The following RAB11FIP5 variants were observed in gnomAD, a reference collection of about 807,000 sequenced individuals.
RAB11FIP5 encodes RAB11 family interacting protein 5.
RAB11FIP5 carries 48 observed loss-of-function variants against 85.1 expected under a neutral mutation model. The ratio of observed to expected loss-of-function variants is 0.56; its 90% CI spans 0.45 to 0.72. The LOEUF is 0.72. Ranked by LOEUF, RAB11FIP5 falls within the 30% of genes least tolerant of loss-of-function variation. The pLI is 0.00. For synonymous variants in RAB11FIP5, 729 were observed against 727.3 expected (o/e 1.00, Z -0.04); for missense variants, 1,491 against 1,687.0 (o/e 0.88, Z 2.04).
In RAB11FIP5 at chr2:73,080,850, C is replaced by G; in HGVS notation, c.2382G>C (p.Val794=). Residue 794 remains valine, a synonymous_variant, in exon 4 of 6, where the codon GTG becomes GTC. Transcript: ENST00000486777. The part of the protein sequence containing the change: ...SGTSLFSSPE[V]ISVWERLPGP... ...CCGGCAGCCTCTCCCACACACTGATCACTTCTGGGGAGCTAAATAGAGATG... is the reference window on the plus strand; with the variant it reads ...CCGGCAGCCTCTCCCACACACTGATGACTTCTGGGGAGCTAAATAGAGATG... 8.1e-7 allele frequency: 1 copy of G among 1,232,464 alleles called. No individual in the cohort carries two copies. The highest frequency in any genetic ancestry group is 1.0e-6 in the Non-Finnish European group (1 of 988,218). The allele number at this position is 1,232,464 out of a possible 1,614,324, so 76.3% of individuals were successfully genotyped here.
intron 3 of RAB11FIP5, among the ~76,000 whole-genome samples, chr2:73,085,057 C>T (rs1343550301): frequency 6.6e-6 from 1 of 152,206 alleles, no homozygotes; most frequent in African/African-American, 2.4e-5. Flanking sequence ...AATACAGTAA[C>T]CATGACAAGA....
chr2:73,101,577 G>A (rs1053686218), intron 1 of RAB11FIP5, among the ~76,000 whole-genome samples: 9 of 152,130 alleles, frequency 5.9e-5, no homozygotes, highest in African/African-American at 2.2e-4. Context: ...CTCCCACCTG[G>A]GACTGATGGT....
In RAB11FIP5 at chr2:73,075,081, C is replaced by G. The variant is rs961144107; in HGVS notation, c.*440G>C. On this transcript the variant is annotated 3_prime_UTR_variant, in exon 6 of 6. Coordinates refer to ENST00000486777, the MANE Select transcript of RAB11FIP5 (RefSeq NM_001371272.1). The surrounding 1 kb of genome is among the most constrained non-coding windows in gnomAD (Gnocchi z 4.6). ...ATTGTCCCAGTAATACTAGAAGCCC[C>G]TCCAGGGACTGGAGGGAAATGAAGG... The G allele has an allele frequency of 5.4e-6, 2 of 373,052 alleles. No homozygotes were observed. The highest frequency in any genetic ancestry group is 1.1e-5 in the Non-Finnish European group (2 of 189,828). 23.1% of individuals were successfully genotyped at this position (373,052 alleles called of 1,614,324 possible).
chr2:73,077,304 C>T (rs1213514492), intron 4 of RAB11FIP5, among the ~76,000 whole-genome samples: 1 of 152,214 alleles, frequency 6.6e-6, no homozygotes, highest in South Asian at 2.1e-4. Flanking sequence ...CCTAGGAGGT[C>T]CTCTGGCTCA....
In RAB11FIP5 at chr2:73,081,548, T is replaced by TTAGCATGG; in HGVS notation, c.1676_1683dup (p.Ser562ProfsTer3). 8.2e-7 allele frequency: 1 copy of TTAGCATGG among 1,213,160 alleles called. No homozygotes were observed. Among genetic ancestry groups the TTAGCATGG allele is most frequent in the Non-Finnish European group, 1.0e-6 (1 of 970,678 alleles). 75.1% of individuals were successfully genotyped at this position (1,213,160 alleles called of 1,614,324 possible). A position where few individuals can be genotyped will look rare whatever the true frequency, so the allele number is the denominator to read the frequency against. ...GAGGCGGCTGCAAAAAGGTTAGTGC[T>TTAGCATGG]TAGCATGGGAGCAGCAGTGGGAGCA... On this transcript the variant is annotated frameshift_variant, in exon 4 of 6. Transcript: ENST00000486777. LOFTEE classifies it high-confidence loss of function. This position sits in a 1 kb window ranked among gnomAD's most constrained non-coding sequence, Gnocchi z 4.2.
chr2:73,112,627 C>T lies in RAB11FIP5; in HGVS notation c.151G>A (p.Gly51Ser). 6.2e-7 allele frequency: 1 copy of T among 1,602,272 alleles called. No individual in the cohort carries two copies. The highest frequency in any genetic ancestry group is 8.5e-7 in the Non-Finnish European group (1 of 1,175,810). The change falls in exon 1 of 6, where the codon GGC becomes AGC. Residue 51 changes from glycine (G) to serine (S), a missense_variant. Physicochemically the swap from Gly to Ser is moderately conservative, Grantham distance 56. Coordinates refer to ENST00000486777, the MANE Select transcript of RAB11FIP5 (RefSeq NM_001371272.1). The part of the protein sequence containing the change: ...TSDAYTVIQV[G>S]REKYSTSVVE... ...ACCGACGTACTGTACTTCTCGCGGC[C>T]CACCTGGATCACCGTGTACGCGTCG...
chr2:73,103,570 G>A (rs1399663338), intron 1 of RAB11FIP5, among the ~76,000 whole-genome samples: 3 of 152,170 alleles, frequency 2.0e-5, no homozygotes, highest in East Asian at 3.9e-4. Context: ...AGAGTTGTGT[G>A]ACCTTGGACA....
chr2:73,092,130 T>C (rs904502655), intron 1 of RAB11FIP5, among the ~76,000 whole-genome samples: 2 of 152,174 alleles, frequency 1.3e-5, no homozygotes, highest in Non-Finnish European at 2.9e-5. Flanking sequence ...CCTTTACCTA[T>C]TTAGAGGCCA....
rs1245582507 is a variant in RAB11FIP5 at position 73,079,739 on chromosome 2, C to T, written c.3493G>A (p.Glu1165Lys). Residue 1165 changes from glutamate (E) to lysine (K), a missense_variant, in exon 4 of 6, where the codon GAG becomes AAG. By Grantham distance (56) the Glu-to-Lys change is moderately conservative (BLOSUM62 1). This residue lies in a region of RAB11FIP5 where 232 missense variants were observed against 259.1 expected (regional missense o/e 0.90). Coordinates refer to ENST00000486777, the MANE Select transcript of RAB11FIP5 (RefSeq NM_001371272.1). ...GCTGGGGTGGCTGCAGCGAGGTCCT[C>T]CCTAAGTAGGGCAGGGGAGCCCCCA... The part of the protein sequence containing the change: ...PPGGSPALLR[E>K]DLAAATPASP... 1.1e-5 allele frequency: 13 copies of T among 1,232,830 alleles called. No individual in the cohort carries two copies. Among genetic ancestry groups the T allele is most frequent in the Non-Finnish European group, 1.2e-5 (12 of 988,648 alleles). 76.4% of individuals were successfully genotyped at this position (1,232,830 alleles called of 1,614,324 possible).
intron 1 of RAB11FIP5, among the ~76,000 whole-genome samples, chr2:73,090,105 TGAGGTAA>T (rs1247955869): frequency 1.3e-5 from 2 of 152,066 alleles, no homozygotes; most frequent in Non-Finnish European, 2.9e-5. Context: ...AAAAAGCATA[TGAGGTAA>T]GAGGTACTAC....
At chr2:73,084,578 C>A (rs1684058901) in intron 3 of RAB11FIP5, among the ~76,000 whole-genome samples, 3 of 152,202 alleles carry the variant, frequency 2.0e-5, no homozygotes, top group Admixed American at 1.3e-4. Context: ...TTACTGCCTG[C>A]AGGAAGCTCT....
At chr2:73,092,228 C>G (rs1027840883) in intron 1 of RAB11FIP5, among the ~76,000 whole-genome samples, 2 of 152,182 alleles carry the variant, frequency 1.3e-5, no homozygotes, top group Non-Finnish European at 2.9e-5. Context: ...AGGGTATGGA[C>G]TCCAGCCCCA....
In RAB11FIP5 at chr2:73,079,708, G is replaced by A. The variant is rs556838520; in HGVS notation, c.3524C>T (p.Pro1175Leu). 92 of 1,233,368 alleles carry A rather than the reference G, an allele frequency of 7.5e-5. No individual in the cohort carries two copies. In the South Asian group the frequency reaches 8.6e-4, roughly 12 times the overall value. The allele number at this position is 1,233,368 out of a possible 1,614,324, so 76.4% of individuals were successfully genotyped here. A position where few individuals can be genotyped will look rare whatever the true frequency, so the allele number is the denominator to read the frequency against. ...TGTCTCCAAGGGCAGAAGCACAAGC[G>A]GGGAGGCTGGGGTGGCTGCAGCGAG... ...EDLAAATPAS[P>L]LVLLPLETRP... Residue 1175 changes from proline (P) to leucine (L), a missense_variant, in exon 4 of 6, where the codon CCG (proline) becomes CTG (leucine). This residue lies in a region of RAB11FIP5 where 232 missense variants were observed against 259.1 expected (regional missense o/e 0.90). Transcript: ENST00000486777.
At chr2:73,093,776 C>T (rs980101338) in intron 1 of RAB11FIP5, among the ~76,000 whole-genome samples, 9 of 152,330 alleles carry the variant, frequency 5.9e-5, no homozygotes, top group African/African-American at 9.6e-5. Context: ...GAATCCCTGA[C>T]GCCGATCGCT....
At chr2:73,110,224 G>A (rs1219359360) in intron 1 of RAB11FIP5, among the ~76,000 whole-genome samples, 1 of 152,242 alleles carries the variant, frequency 6.6e-6, no homozygotes, top group Non-Finnish European at 1.5e-5. Flanking sequence ...AAGCTGAGGA[G>A]GGTACACCCT....
intron 3 of RAB11FIP5, 57 bp downstream of exon 3, chr2:73,087,993 C>T (rs1684121787): frequency 2.7e-6 from 4 of 1,482,536 alleles, no homozygotes; most frequent in Non-Finnish European, 3.7e-6. Flanking sequence ...AGGGTCCAGG[C>T]AGCACACACC....
intron 1 of RAB11FIP5, among the ~76,000 whole-genome samples, chr2:73,101,990 G>A (rs1382473233): frequency 6.6e-6 from 1 of 152,204 alleles, no homozygotes; most frequent in Non-Finnish European, 1.5e-5. Flanking sequence ...ACGGAAGATG[G>A]TGACTGACAC....
At chr2:73,083,040 G>C (rs1331872215) in intron 3 of RAB11FIP5, among the ~76,000 whole-genome samples, 2 of 152,204 alleles carry the variant, frequency 1.3e-5, no homozygotes, top group Non-Finnish European at 2.9e-5. Flanking sequence ...TGTCCAGGTG[G>C]AAATATCCTG....
intron 1 of RAB11FIP5, among the ~76,000 whole-genome samples, chr2:73,106,477 C>T (rs896242522): frequency 6.6e-6 from 1 of 152,178 alleles, no homozygotes; most frequent in Non-Finnish European, 1.5e-5. Context: ...AGGGAGATAT[C>T]CAGGCTTCCC....
Sources: allele counts gnomAD v4.1 joint callset (sites outside exome capture counted in the v4.1 genomes callset), GRCh38; gene constraint gnomAD v4.1.1; regional missense constraint gnomAD v4.1.1; non-coding constraint Gnocchi (gnomAD v3.1); transcripts MANE v1.5; gene names NCBI Gene and HGNC (gene_info 2026-07-23, HGNC 2026-07-21).